ZDHHC2: variants seen among roughly 807,000 people sequenced by gnomAD.
The protein encoded by ZDHHC2 is palmitoyltransferase ZDHHC2.
Under a neutral mutation model 55.6 loss-of-function variants are expected in ZDHHC2, and 51 were observed. The ratio of observed to expected loss-of-function variants is 0.92; its 90% confidence interval spans 0.73 to 1.16. The LOEUF (loss-of-function observed/expected upper bound fraction) is 1.16, where lower values mean the gene tolerates loss of function less well. Ranked by LOEUF, ZDHHC2 falls within the 50% of genes most tolerant of loss-of-function variation. ZDHHC2 has a pLI of 0.00. For synonymous variants in ZDHHC2, 199 were observed against 152.9 expected (o/e 1.30, Z -2.22); for missense variants, 491 against 442.4 (o/e 1.11, Z -0.99).
At chr8:17,190,133 G>T (rs192000988) in intron 3 of ZDHHC2, among the ~76,000 whole-genome samples, 5 of 151,844 alleles carry the variant, frequency 3.3e-5, no homozygotes, top group Admixed American at 3.3e-4. Flanking sequence ...TGTATATGAG[G>T]TACATAAGCT....
At chr8:17,208,368 A>C (rs991404312) in intron 8 of ZDHHC2, among the ~76,000 whole-genome samples, 3 of 151,480 alleles carry the variant, frequency 2.0e-5, no homozygotes, top group African/African-American at 7.3e-5. Context: ...ATATAGATAT[A>C]GTGGTGAGCA....
chr8:17,223,937 T>G lies in ZDHHC2; in HGVS notation c.*3716T>G, dbSNP rs1023281584. ...ACTGAAAGGATGAAATCAAGTAGGC[T>G]TGTTTCAAAGAGACTCCTGTGAATC... On this transcript the variant is annotated 3_prime_UTR_variant, in exon 13 of 13. Coordinates refer to ENST00000262096, the MANE Select transcript of ZDHHC2 (RefSeq NM_016353.5). The G allele has an allele frequency of 6.6e-6, 1 of 151,806 alleles. No individual in the cohort carries two copies. Among genetic ancestry groups the G allele is most frequent in the Non-Finnish European group, 1.5e-5 (1 of 67,770 alleles). 9.4% of individuals were successfully genotyped at this position (151,806 alleles called of 1,614,324 possible). A position where few individuals can be genotyped will look rare whatever the true frequency, so the allele number is the denominator to read the frequency against.
intron 3 of ZDHHC2, among the ~76,000 whole-genome samples, chr8:17,190,925 C>T (rs1805992350): frequency 7.3e-6 from 1 of 136,912 alleles, no homozygotes; most frequent in African/African-American, 2.7e-5. Flanking sequence ...CCCTATTGTG[C>T]TGTCAAATAC....
In ZDHHC2 at chr8:17,220,835, G is replaced by C. The variant is rs1180052091; in HGVS notation, c.*614G>C. 2 of 152,088 alleles carry C rather than the reference G, an allele frequency of 1.3e-5. No homozygotes were observed. The highest frequency in any genetic ancestry group is 4.8e-5 in the African/African-American group (2 of 41,420). 9.4% of individuals were successfully genotyped at this position (152,088 alleles called of 1,614,324 possible). A position where few individuals can be genotyped will look rare whatever the true frequency, so the allele number is the denominator to read the frequency against. On this transcript the variant is annotated 3_prime_UTR_variant, in exon 13 of 13. Coordinates refer to ENST00000262096, the MANE Select transcript of ZDHHC2 (RefSeq NM_016353.5). ...ACCATTTTTGCCTCACTTAATTCCA[G>C]CCTTTTGTTTTCTGCTGGAAAATAA...
At chr8:17,195,308 A>T (rs1296354425) in intron 3 of ZDHHC2, among the ~76,000 whole-genome samples, 196 bp from the exon 4 acceptor site, 9 of 152,198 alleles carry the variant, frequency 5.9e-5, no homozygotes, top group Admixed American at 5.2e-4. Context: ...GATGATTATT[A>T]TACCCTTTTT....
chr8:17,159,719 T>G (rs1804236665), intron 1 of ZDHHC2, among the ~76,000 whole-genome samples: 1 of 152,148 alleles, frequency 6.6e-6, no homozygotes, highest in African/African-American at 2.4e-5. Context: ...AGTCAAGTAT[T>G]TTTGGTTAAG....
At position 17,183,462 on chromosome 8, in the gene ZDHHC2, G is replaced by A. The variant is rs533466763; in HGVS notation, c.131-1327G>A. On this transcript the variant is annotated intron_variant, in intron 1 of 12. Coordinates refer to ENST00000262096, the MANE Select transcript of ZDHHC2 (RefSeq NM_016353.5). ...ACTCTGACTAGCCTCTGACTTACAAGCGGACTTGGAGAACAGGCCATTTGT... is the reference window on the plus strand; with the variant it reads ...ACTCTGACTAGCCTCTGACTTACAAACGGACTTGGAGAACAGGCCATTTGT... Among the ~76,000 whole-genome samples the A allele has an allele frequency of 3.3e-5, 5 of 152,344 alleles. No individual in the cohort carries two copies. The South Asian group carries it at 8.3e-4, about 25-fold the overall frequency.
chr8:17,188,684 C>T (rs1219423496), intron 3 of ZDHHC2, among the ~76,000 whole-genome samples: 2 of 152,070 alleles, frequency 1.3e-5, no homozygotes, highest in Non-Finnish European at 2.9e-5. Context: ...TTATGTGTCA[C>T]CCCAGTGCCG....
intron 1 of ZDHHC2, among the ~76,000 whole-genome samples, chr8:17,182,985 C>T (rs562841819): frequency 5.3e-5 from 8 of 152,202 alleles, no homozygotes; most frequent in African/African-American, 1.4e-4. Flanking sequence ...TGGTCTTGAA[C>T]TCTTGACCTC....
chr8:17,215,718 TTCTA>T (rs1427886025), intron 11 of ZDHHC2, among the ~76,000 whole-genome samples: 3 of 152,174 alleles, frequency 2.0e-5, no homozygotes, highest in Admixed American at 2.0e-4. Context: ...AATTATTCAG[TTCTA>T]TCTTTTACTC....
Position 17,156,799 on chromosome 8 carries a change from A to C in ZDHHC2, c.76A>C (p.Ile26Leu), listed in dbSNP as rs570849634. ...GCTGTACTGGATCCCGGTGGTGTTC[A>C]TCACCCTCCTGCTCGGCTGGTCCTA... ...RVLYWIPVVF[I>L]TLLLGWSYYA... Residue 26 changes from isoleucine (I) to leucine (L), a missense_variant, in exon 1 of 13, where the codon ATC becomes CTC. Ile to Leu is a conservative substitution (Grantham distance 5, BLOSUM62 2). Coordinates refer to ENST00000262096, the MANE Select transcript of ZDHHC2 (RefSeq NM_016353.5). The C allele has an allele frequency of 1.3e-6, 2 of 1,521,432 alleles. No homozygotes were observed. The highest frequency in any genetic ancestry group is 5.2e-5 in the East Asian group (2 of 38,098). 94.2% of individuals were successfully genotyped at this position (1,521,432 alleles called of 1,614,324 possible).
At chr8:17,199,477 TC>T in intron 6 of ZDHHC2, among the ~76,000 whole-genome samples, 1 of 33,932 alleles carries the variant, frequency 2.9e-5, no homozygotes, top group Non-Finnish European at 8.5e-5. Context: ...TTCTTCTTCT[TC>T]TTCTTCTTCT....
intron 3 of ZDHHC2, among the ~76,000 whole-genome samples, chr8:17,191,758 TGA>T (rs1462658331): frequency 6.6e-6 from 1 of 152,226 alleles, no homozygotes; most frequent in Non-Finnish European, 1.5e-5. Flanking sequence ...TTGGCTATTG[TGA>T]GTAGTGCTGC....
rs376971094 is a variant in ZDHHC2 at position 17,194,964 on chromosome 8, A to C, written c.253-540A>C. 1.6e-4 allele frequency among the ~76,000 whole-genome samples: 24 copies of C among 152,250 alleles called. 1 individual carries two copies. The East Asian group carries it at 4.3e-3, about 27-fold the overall frequency. ...AGAAGCCCAAATTTTCTTTTTCTCA[A>C]ATATTTTAAAATTAGCTGGGCAAAA... On this transcript the variant is annotated intron_variant, in intron 3 of 12. Coordinates refer to ENST00000262096, the MANE Select transcript of ZDHHC2 (RefSeq NM_016353.5).
rs1179229149 is a variant in ZDHHC2, at chr8:17,156,518, C to T, written c.-206C>T. The T allele has an allele frequency of 3.0e-5, 6 of 198,726 alleles. No homozygotes were observed. Among genetic ancestry groups the T allele is most frequent in the Non-Finnish European group, 4.5e-5 (5 of 110,662 alleles). 12.3% of individuals were successfully genotyped at this position (198,726 alleles called of 1,614,324 possible). ...CTCCGCTCGCAGCCGCCGCCTCCGCCTCCGCCGGGCTGAGGAGCCGGGAGT... is the reference window on the plus strand; with the variant it reads ...CTCCGCTCGCAGCCGCCGCCTCCGCTTCCGCCGGGCTGAGGAGCCGGGAGT... On this transcript the variant is annotated 5_prime_UTR_variant, in exon 1 of 13. Coordinates refer to ENST00000262096, the MANE Select transcript of ZDHHC2 (RefSeq NM_016353.5).
chr8:17,190,263 A>G (rs13276953), intron 3 of ZDHHC2, among the ~76,000 whole-genome samples: 21,931 of 151,944 alleles, frequency 0.14, 2,176 homozygotes, highest in African/African-American at 0.27. Flanking sequence ...CTCAAAAAAA[A>G]AAAAGAAAAG....
intron 1 of ZDHHC2, among the ~76,000 whole-genome samples, chr8:17,166,438 A>G (rs1190491186): frequency 6.6e-6 from 1 of 152,188 alleles, no homozygotes; most frequent in Non-Finnish European, 1.5e-5. Context: ...TAGATCTGGA[A>G]TGGGTGTGCT....
chr8:17,210,313 A>G, intron 9 of ZDHHC2, 75 bp from the exon 10 acceptor site: 2 of 1,434,104 alleles, frequency 1.4e-6, no homozygotes, highest in South Asian at 1.3e-5. Flanking sequence ...CTGCTCTCGG[A>G]CATCAGCATT....
rs755875083 is a variant in ZDHHC2, at chr8:17,215,336, A to C, written c.1050A>C (p.Gly350=). Residue 350 remains glycine (G), a synonymous_variant, in exon 11 of 13, where the codon GGA becomes GGC. Transcript: ENST00000262096. ...QSWTESSINP[G]KCKAGMSNPA... ...GGACGGAGAGCAGCATAAACCCAGG[A>C]AAATGCAAAGCTGGTAAGGGTGTGC... The C allele has an allele frequency of 3.2e-6, 5 of 1,581,654 alleles. No individual in the cohort carries two copies. Among genetic ancestry groups the C allele is most frequent in the Non-Finnish European group, 4.3e-6 (5 of 1,163,010 alleles).
Sources: allele counts gnomAD v4.1 joint callset (sites outside exome capture counted in the v4.1 genomes callset), GRCh38; gene constraint gnomAD v4.1.1; transcripts MANE v1.5; gene names NCBI Gene and HGNC (gene_info 2026-07-23, HGNC 2026-07-21).